POU6F2: variants seen among roughly 807,000 people sequenced by gnomAD.
POU6F2 encodes POU domain, class 6, transcription factor 2.
Under a neutral mutation model 71.3 loss-of-function variants are expected in POU6F2, and 31 were observed. That is an observed-to-expected ratio of 0.43 (90% confidence interval 0.33 to 0.59). The LOEUF is 0.59. POU6F2 is among the 20% of genes least tolerant of loss of function. The probability of loss-of-function intolerance (pLI) is 0.04; values close to 1 mark genes in which losing one functional copy is unlikely to be tolerated. For synonymous variants in POU6F2, 347 were observed against 355.7 expected (o/e 0.98, Z 0.27); for missense variants, 783 against 856.8 (o/e 0.91, Z 1.07).
At chr7:39,007,146 G>C (rs527743162) in intron 1 of POU6F2, among the ~76,000 whole-genome samples, 1 of 152,100 alleles carries the variant, frequency 6.6e-6, no homozygotes, top group Non-Finnish European at 1.5e-5. Context: ...TACTGTTTAC[G>C]TATTTGACCA....
chr7:39,006,829 T>C (rs928988009), intron 1 of POU6F2: 3 of 1,613,274 alleles, frequency 1.9e-6, no homozygotes, highest in Non-Finnish European at 1.7e-6. Flanking sequence ...GTTCTTATAA[T>C]GATCCAAGAG....
At chr7:39,320,445 A>T (rs188668105) in intron 4 of POU6F2, among the ~76,000 whole-genome samples, 8 of 152,212 alleles carry the variant, frequency 5.3e-5, no homozygotes, top group Admixed American at 1.3e-4. Context: ...ATAAGTATAA[A>T]CACATCTCTC....
chr7:39,388,884 T>C (rs1787006029), intron 5 of POU6F2, among the ~76,000 whole-genome samples: 1 of 152,216 alleles, frequency 6.6e-6, no homozygotes, highest in African/African-American at 2.4e-5. Flanking sequence ...ACAAAGTTCA[T>C]GAGAAAGAAA....
chr7:39,101,264 G>A (rs1791566099), intron 2 of POU6F2, among the ~76,000 whole-genome samples: 1 of 151,774 alleles, frequency 6.6e-6, no homozygotes, highest in Admixed American at 6.6e-5. Context: ...GGTAGAGACG[G>A]GGTTTCGCCA....
intron 2 of POU6F2, among the ~76,000 whole-genome samples, chr7:39,149,752 A>G (rs1260028155): frequency 5.3e-5 from 8 of 152,030 alleles, no homozygotes; most frequent in Non-Finnish European, 1.0e-4. Context: ...ATGTGTGTGT[A>G]TATATATATG....
chr7:39,045,906 G>A (rs963214379), intron 1 of POU6F2, among the ~76,000 whole-genome samples: 3 of 151,892 alleles, frequency 2.0e-5, no homozygotes, highest in African/African-American at 7.2e-5. Context: ...TAAGAGTAAT[G>A]TGGCTATGAT....
chr7:39,325,039 G>A (rs1327842005), intron 4 of POU6F2, among the ~76,000 whole-genome samples: 1 of 152,118 alleles, frequency 6.6e-6, no homozygotes, highest in Non-Finnish European at 1.5e-5. Flanking sequence ...GAGAAAATAA[G>A]AGTGAGAATA....
chr7:39,326,359 C>CGA (rs1785503199), intron 4 of POU6F2, among the ~76,000 whole-genome samples: 1 of 152,164 alleles, frequency 6.6e-6, no homozygotes, highest in Admixed American at 6.6e-5. Context: ...CTTCACCAAT[C>CGA]CTCTGCCAAA....
chr7:39,263,227 C>G (rs1784171895), intron 4 of POU6F2, among the ~76,000 whole-genome samples: 1 of 152,242 alleles, frequency 6.6e-6, no homozygotes, highest in South Asian at 2.1e-4. Flanking sequence ...TCTTTTTTCT[C>G]TTTTCAGTAT....
intron 5 of POU6F2, among the ~76,000 whole-genome samples, chr7:39,353,713 T>A (rs1786192243): frequency 6.6e-6 from 1 of 152,182 alleles, no homozygotes; most frequent in Non-Finnish European, 1.5e-5. Flanking sequence ...GAATGGCTGA[T>A]TGCCCAGCAG....
chr7:39,276,400 C>A (rs1784439521), intron 4 of POU6F2, among the ~76,000 whole-genome samples: 1 of 152,112 alleles, frequency 6.6e-6, no homozygotes. Flanking sequence ...AGTCAGGAAA[C>A]AACAGGTGCT....
chr7:39,333,429 A>T (rs1436307371), intron 4 of POU6F2, among the ~76,000 whole-genome samples: 1 of 152,038 alleles, frequency 6.6e-6, no homozygotes. Context: ...CTAATGGCAG[A>T]ACAATTTGTT....
At chr7:39,216,221 C>T (rs574987062) in intron 4 of POU6F2, among the ~76,000 whole-genome samples, 7 of 152,280 alleles carry the variant, frequency 4.6e-5, no homozygotes, top group African/African-American at 1.2e-4. Context: ...ATTGCATTAA[C>T]GATACACTAC....
intron 4 of POU6F2, among the ~76,000 whole-genome samples, chr7:39,284,650 C>T (rs898982558): frequency 2.0e-5 from 3 of 152,160 alleles, no homozygotes; most frequent in African/African-American, 7.2e-5. Flanking sequence ...TGGAGAAATA[C>T]ACAGCTCTTT....
intron 2 of POU6F2, among the ~76,000 whole-genome samples, chr7:39,179,181 T>A (rs543953706): frequency 6.6e-6 from 1 of 152,308 alleles, no homozygotes; most frequent in African/African-American, 2.4e-5. Flanking sequence ...TTGTCTTAAG[T>A]GCCGTGGAAT....
intron 1 of POU6F2, among the ~76,000 whole-genome samples, chr7:39,003,302 C>T (rs964916956): frequency 4.0e-5 from 6 of 151,172 alleles, no homozygotes; most frequent in South Asian, 2.1e-4. Context: ...GGCAAAAAGA[C>T]GATTTTTGAA....
rs775147607 is a variant in POU6F2, at chr7:39,170,791, A to G, written c.278-33444A>G. 2.0e-5 allele frequency among the ~76,000 whole-genome samples: 3 copies of G among 152,140 alleles called. No homozygotes were observed. The East Asian group carries it at 5.8e-4, about 29-fold the overall frequency. On this transcript the variant is annotated intron_variant, in intron 2 of 9. Transcript: ENST00000518318. ...AATGTTTGAGGCGACAGGTATCCCA[A>G]TTACCCTGATGTGATCATTACACAT...
intron 4 of POU6F2, among the ~76,000 whole-genome samples, chr7:39,236,774 G>GA (rs535915335): frequency 1.9e-4 from 28 of 149,918 alleles, no homozygotes; most frequent in South Asian, 8.4e-4. Flanking sequence ...CCAACTCACA[G>GA]AAAAAAAAAG....
chr7:39,244,063 G>C (rs906547737), intron 4 of POU6F2, among the ~76,000 whole-genome samples: 8 of 152,110 alleles, frequency 5.3e-5, no homozygotes, highest in African/African-American at 1.9e-4. Flanking sequence ...TTAGAGACAG[G>C]TTCTCTCAAG....
Sources: gnomAD v4.1 joint callset for allele counts (sites outside exome capture counted in the v4.1 genomes callset) on GRCh38, gnomAD v4.1.1 for gene constraint, MANE v1.5 for transcripts, NCBI Gene and HGNC (gene_info 2026-07-23, HGNC 2026-07-21) for gene names.